CARS2: variants seen among roughly 807,000 people sequenced by gnomAD.
The protein encoded by CARS2 is probable cysteine--tRNA ligase, mitochondrial.
In CARS2, 52 loss-of-function variants were observed where a neutral mutation model predicts 68.8. That is an observed-to-expected ratio of 0.76 (90% CI 0.61 to 0.95). The LOEUF is 0.95. Among genes scored for constraint, CARS2 ranks in the 40% least tolerant of loss-of-function variants. The probability of loss-of-function intolerance (pLI) is 0.00; values close to 1 mark genes in which losing one functional copy is unlikely to be tolerated. For missense variants in CARS2, 780 were observed against 754.2 expected (o/e 1.03, Z -0.40); for synonymous variants, 314 against 303.6 (o/e 1.03, Z -0.36).
At chr13:110,655,417 C>T (rs767925240) in intron 9 of CARS2, among the ~76,000 whole-genome samples, 9 of 152,320 alleles carry the variant, frequency 5.9e-5, no homozygotes, top group Non-Finnish European at 1.3e-4. Context: ...TTAAGCTGCA[C>T]CCACACACTG....
In CARS2 at chr13:110,706,061, GC is replaced by G; in HGVS notation, c.32del (p.Gly11AlafsTer55). ...CCAGCGCGGCCTGGAGCAGCGGGGGGCCCAGGCCTGGGCCGCGCGTAGTCCT... is the reference window on the plus strand; with the variant it reads ...CCAGCGCGGCCTGGAGCAGCGGGGGGCCAGGCCTGGGCCGCGCGTAGTCCT... MLRTTRGPGLGPPLLQAALGL... is the reference protein window; with the variant it reads MLRTTRGPGLXPPLLQAALGL... On this transcript the variant is annotated frameshift_variant, in exon 1 of 15. Coordinates refer to ENST00000257347, the MANE Select transcript of CARS2 (RefSeq NM_024537.4). LOFTEE classifies it high-confidence loss of function. 1 of 1,356,766 alleles carries G rather than the reference GC, an allele frequency of 7.4e-7. No individual in the cohort carries two copies. Among genetic ancestry groups the G allele is most frequent in the Admixed American group, 3.2e-5 (1 of 31,270 alleles). 84.0% of individuals were successfully genotyped at this position (1,356,766 alleles called of 1,614,324 possible). A position where few individuals can be genotyped will look rare whatever the true frequency, so the allele number is the denominator to read the frequency against.
intron 6 of CARS2, among the ~76,000 whole-genome samples, chr13:110,680,708 G>A (rs937930445): frequency 4.6e-5 from 7 of 152,226 alleles, no homozygotes; most frequent in African/African-American, 1.7e-4. Flanking sequence ...TGGGGGAACC[G>A]TGAGACACAT....
In CARS2 at chr13:110,667,437, A is replaced by T; in HGVS notation, c.822T>A (p.Gly274=). 1.2e-6 allele frequency: 2 copies of T among 1,613,874 alleles called. No individual in the cohort carries two copies. Among genetic ancestry groups the T allele is most frequent in the Non-Finnish European group, 1.7e-6 (2 of 1,179,802 alleles). The stretch of plus-strand genomic sequence containing the variant: ...GATGTGGAAAAGCTAAATCTATCCC[A>T]CCTGAATGGATATCCAGTTGACTTC... ...VFGSQLDIHS[G]GIDLAFPHHE... The change falls in exon 8 of 15, where the codon GGT becomes GGA. Residue 274 remains glycine (G), a synonymous_variant. Transcript: ENST00000257347.
rs760067879 is a variant in CARS2 at position 110,705,863 on chromosome 13, G to T, written c.224+7C>A. ...CCCCGCCCGTGCCCCAGTCCCGCGCGGCCCACCAGGAGGCGGCTTCGGCGT... is the reference window on the plus strand; with the variant it reads ...CCCCGCCCGTGCCCCAGTCCCGCGCTGCCCACCAGGAGGCGGCTTCGGCGT... On this transcript the variant is annotated splice_region_variant and intron_variant, in intron 1 of 14. Transcript: ENST00000257347. The surrounding 1 kb of genome is among the most constrained non-coding windows in gnomAD (Gnocchi z 4.0). 7.1e-6 allele frequency: 11 copies of T among 1,551,244 alleles called. No individual in the cohort carries two copies. Among genetic ancestry groups the T allele is most frequent in the Non-Finnish European group, 7.8e-6 (9 of 1,150,776 alleles).
rs951328699 is a variant in CARS2, at chr13:110,680,162, G to T, written c.655+2889C>A. ...TGGGAGGCCGAGGGGGGGGGGGGGG[G>T]GGGTGGATCACCTGAGGTCAGGAGT... On this transcript the variant is annotated intron_variant, in intron 6 of 14. Transcript: ENST00000257347. 6.7e-4 allele frequency among the ~76,000 whole-genome samples: 39 copies of T among 58,330 alleles called. 1 individual carries two copies. The Admixed American group carries it at 7.3e-3, about 11-fold the overall frequency. The allele number at this position is 58,330 out of a possible 152,430, so 38.3% of individuals were successfully genotyped here.
intron 1 of CARS2, chr13:110,713,006 A>T: frequency 6.5e-7 from 1 of 1,533,208 alleles, no homozygotes; most frequent in South Asian, 1.2e-5. Flanking sequence ...CTGCGGCCGC[A>T]GCTCAAAGGA....
intron 7 of CARS2, among the ~76,000 whole-genome samples, chr13:110,669,969 A>G (rs1200137720): frequency 6.6e-6 from 1 of 152,206 alleles, no homozygotes; most frequent in Non-Finnish European, 1.5e-5. Flanking sequence ...CTGCTAGCAC[A>G]GCAGTCTGAG....
intron 3 of CARS2, among the ~76,000 whole-genome samples, chr13:110,698,127 G>A (rs545420759): frequency 7.9e-5 from 12 of 152,254 alleles, no homozygotes; most frequent in Admixed American, 5.9e-4. Flanking sequence ...TGGGTGTGAC[G>A]GGAGGTTAAA....
At chr13:110,647,308 T>C in intron 10 of CARS2, 69 bp from the exon 11 acceptor site, 2 of 1,554,864 alleles carry the variant, frequency 1.3e-6, no homozygotes, top group African/African-American at 1.4e-5. Flanking sequence ...TCCAGCAGAA[T>C]CAGTGTTTTC....
At position 110,670,884 on chromosome 13, in the gene CARS2, T is replaced by C. The variant is rs1401946331; in HGVS notation, c.786-3411A>G. ...AAGACCTTAAATGACCTGATGGAGC[T>C]GAAAACCATGGCACAACAACTATGT... On this transcript the variant is annotated intron_variant, in intron 7 of 14. Transcript: ENST00000257347. This position sits in a 1 kb window ranked among gnomAD's most constrained non-coding sequence, Gnocchi z 4.1. 6.6e-6 allele frequency among the ~76,000 whole-genome samples: 1 copy of C among 152,114 alleles called. No homozygotes were observed. Among genetic ancestry groups the C allele is most frequent in the Non-Finnish European group, 1.5e-5 (1 of 68,030 alleles).
At chr13:110,661,130 C>T (rs1389432774) in intron 9 of CARS2, among the ~76,000 whole-genome samples, 3 of 152,314 alleles carry the variant, frequency 2.0e-5, no homozygotes, top group Non-Finnish European at 4.4e-5. Flanking sequence ...AACTTAAAGT[C>T]ACCAGCTACA....
Position 110,676,101 on chromosome 13 carries a change from C to A in CARS2, c.785+873G>T, listed in dbSNP as rs772546181. 7.2e-5 allele frequency among the ~76,000 whole-genome samples: 11 copies of A among 152,206 alleles called. No individual in the cohort carries two copies. Among genetic ancestry groups the A allele is most frequent in the Non-Finnish European group, 1.2e-4 (8 of 68,024 alleles). Reference sequence around the variant, plus strand: ...CCTGGGAGGCGGAGGTTGCGGTGAGCCGAGATCGCACCATTGCACTCCAAC... The same window carrying A: ...CCTGGGAGGCGGAGGTTGCGGTGAGACGAGATCGCACCATTGCACTCCAAC... On this transcript the variant is annotated intron_variant, in intron 7 of 14. Coordinates refer to ENST00000257347, the MANE Select transcript of CARS2 (RefSeq NM_024537.4). This position sits in a 1 kb window ranked among gnomAD's most constrained non-coding sequence, Gnocchi z 4.0.
chr13:110,664,960 T>A (rs1189285915), intron 8 of CARS2: 17 of 969,102 alleles, frequency 1.8e-5, no homozygotes, highest in Non-Finnish European at 2.1e-5. Context: ...CACGCCCGCT[T>A]TCAGTTTGGC....
At chr13:110,681,577 C>A (rs944301685) in intron 6 of CARS2, among the ~76,000 whole-genome samples, 2 of 152,194 alleles carry the variant, frequency 1.3e-5, no homozygotes, top group Admixed American at 6.5e-5. Context: ...CCAGAGGACC[C>A]AGCATTGTGC....
At chr13:110,664,750 A>T (rs903603251) in intron 8 of CARS2, 59 of 623,232 alleles carry the variant, frequency 9.5e-5, no homozygotes, top group Middle Eastern at 7.8e-4. Flanking sequence ...AACTGAAGGC[A>T]GGGCCTGTGG....
chr13:110,654,689 A>C (rs2062314976), intron 9 of CARS2, among the ~76,000 whole-genome samples: 1 of 152,018 alleles, frequency 6.6e-6, no homozygotes, highest in Non-Finnish European at 1.5e-5. Flanking sequence ...AGGCTAAGGC[A>C]GGAGGATTGC....
chr13:110,686,398 A>C (rs1311972539), intron 5 of CARS2, among the ~76,000 whole-genome samples: 2 of 151,882 alleles, frequency 1.3e-5, no homozygotes. Flanking sequence ...GCACGCCACC[A>C]TGCCTAGCTA....
intron 7 of CARS2, among the ~76,000 whole-genome samples, chr13:110,674,058 A>G (rs1359726632): frequency 6.6e-6 from 1 of 152,184 alleles, no homozygotes; most frequent in Non-Finnish European, 1.5e-5. Context: ...ATGAAATATA[A>G]GAGGACACAA....
chr13:110,709,999 G>C (rs1029123215), upstream of CARS2, among the ~76,000 whole-genome samples: 1 of 152,178 alleles, frequency 6.6e-6, no homozygotes, highest in African/African-American at 2.4e-5. Context: ...CAGAAGTAGA[G>C]TTGATTACGG....
Sources: gnomAD v4.1 joint callset for allele counts (sites outside exome capture counted in the v4.1 genomes callset) on GRCh38, gnomAD v4.1.1 for gene constraint, Gnocchi (gnomAD v3.1) non-coding constraint, MANE v1.5 for transcripts, NCBI Gene and HGNC (gene_info 2026-07-23, HGNC 2026-07-21) for gene names.